LYRM4: variants seen among roughly 807,000 people sequenced by gnomAD.
The protein encoded by LYRM4 is LYR motif containing 4, also known as LYR motif-containing protein 4.
Under a neutral mutation model 11.7 loss-of-function variants are expected in LYRM4, and 9 were observed. The observed-to-expected ratio is 0.77, with a 90% CI of 0.46 to 1.34. LYRM4 has a LOEUF of 1.34. Among genes scored for constraint, LYRM4 ranks in the 40% most tolerant of loss-of-function variants. LYRM4 has a pLI of 0.00. For missense variants in LYRM4, 133 were observed against 112.5 expected (o/e 1.18, Z -0.82); for synonymous variants, 42 against 40.4 (o/e 1.04, Z -0.15).
At chr6:5,260,604 G>GGC in intron 1 of LYRM4, 44 bp downstream of exon 1, 4 of 1,196,176 alleles carry the variant, frequency 3.3e-6, no homozygotes, top group Non-Finnish European at 4.7e-6. Flanking sequence ...CCGGTCCCCG[G>GGC]CCCCTGGCCC....
chr6:5,049,548 T>G, the LYRM4 span, among the ~76,000 whole-genome samples: 1 of 152,218 alleles, frequency 6.6e-6, no homozygotes, highest in Non-Finnish European at 1.5e-5. Flanking sequence ...AGGTAAGTTA[T>G]TCATTGTTTT....
the LYRM4 span, among the ~76,000 whole-genome samples, chr6:5,079,917 A>G: frequency 4.4e-3 from 675 of 152,338 alleles, 2 homozygotes; most frequent in Non-Finnish European, 7.3e-3. Context: ...CCAGGGCACA[A>G]CTATTTTGGA....
At chr6:5,086,570 G>C in the LYRM4 span, 2 of 1,496,260 alleles carry the variant, frequency 1.3e-6, no homozygotes, top group Non-Finnish European at 1.8e-6. Context: ...TGAGCCTGGA[G>C]AGTTTCGAAG....
At chr6:5,201,906 G>T (rs1275546914) in intron 2 of LYRM4, among the ~76,000 whole-genome samples, 1 of 152,220 alleles carries the variant, frequency 6.6e-6, no homozygotes, top group Admixed American at 6.5e-5. Flanking sequence ...ACTGGCTGCG[G>T]AGTCTTAAGC....
At chr6:5,230,847 T>G (rs1298087962) in intron 1 of LYRM4, among the ~76,000 whole-genome samples, 1 of 152,228 alleles carries the variant, frequency 6.6e-6, no homozygotes, top group East Asian at 1.9e-4. Context: ...ATCAGTCATC[T>G]ACCTTCTTCT....
Position 5,108,452 on chromosome 6 carries a change from A to C in LYRM4, c.*971T>G. ...TACAAACAATATCTTTATTACCTGT[A>C]ATATACTTAAAGAGCAGGGGTCCCC... is the stretch of plus-strand genomic sequence containing the variant. On this transcript the variant is annotated 3_prime_UTR_variant, in exon 3 of 3. Transcript: ENST00000330636. The C allele has an allele frequency of 1.0e-6, 1 of 976,802 alleles. No individual in the cohort carries two copies. The highest frequency in any genetic ancestry group is 1.2e-6 in the Non-Finnish European group (1 of 821,860). 60.5% of individuals were successfully genotyped at this position (976,802 alleles called of 1,614,324 possible). A position where few individuals can be genotyped will look rare whatever the true frequency, so the allele number is the denominator to read the frequency against.
At chr6:5,190,407 T>C (rs761252707) in intron 2 of LYRM4, among the ~76,000 whole-genome samples, 1 of 152,210 alleles carries the variant, frequency 6.6e-6, no homozygotes, top group African/African-American at 2.4e-5. Flanking sequence ...TGGTATTCTG[T>C]AGTAACACCG....
At chr6:5,202,922 A>C (rs1761471936) in intron 2 of LYRM4, among the ~76,000 whole-genome samples, 1 of 152,216 alleles carries the variant, frequency 6.6e-6, no homozygotes, top group South Asian at 2.1e-4. Context: ...TCTAACCATT[A>C]TCAGTGTGTA....
chr6:5,047,859 T>G, the LYRM4 span, among the ~76,000 whole-genome samples: 1 of 152,218 alleles, frequency 6.6e-6, no homozygotes, highest in Non-Finnish European at 1.5e-5. Context: ...GAAAGAGTTC[T>G]GGGTAGACAG....
the LYRM4 span, among the ~76,000 whole-genome samples, chr6:5,072,583 T>G: frequency 1.1e-4 from 16 of 151,810 alleles, no homozygotes; most frequent in African/African-American, 1.9e-4. Context: ...AAAGTTTTTT[T>G]TTTTTTTTTT....
At chr6:5,147,213 T>C (rs928887930) in intron 2 of LYRM4, among the ~76,000 whole-genome samples, 1 of 152,220 alleles carries the variant, frequency 6.6e-6, no homozygotes, top group Non-Finnish European at 1.5e-5. Flanking sequence ...AATTTAAACC[T>C]GTATTTATGT....
chr6:5,221,866 A>G lies in LYRM4; in HGVS notation c.87-5128T>C, dbSNP rs575280927. On this transcript the variant is annotated intron_variant, in intron 1 of 2. Transcript: ENST00000330636. ...TATGCAACCAATCACAAATCTTCCA[A>G]TCGTAACTTTCCACATCCCTTCTGA... is the stretch of plus-strand genomic sequence containing the variant. 3.3e-5 allele frequency among the ~76,000 whole-genome samples: 5 copies of G among 152,248 alleles called. No homozygotes were observed. The East Asian group carries it at 7.7e-4, about 23-fold the overall frequency.
chr6:5,204,574 C>T (rs545993544), intron 2 of LYRM4, among the ~76,000 whole-genome samples: 45 of 152,150 alleles, frequency 3.0e-4, no homozygotes, highest in African/African-American at 9.4e-4. Flanking sequence ...ACTCACTGAG[C>T]GCTAGTCAGA....
chr6:5,227,318 A>C (rs1166943631), intron 1 of LYRM4, among the ~76,000 whole-genome samples: 1 of 152,194 alleles, frequency 6.6e-6, no homozygotes, highest in Non-Finnish European at 1.5e-5. Context: ...AAATCATACC[A>C]ATATTTAAGA....
chr6:5,115,793 G>A (rs747677386), intron 2 of LYRM4, among the ~76,000 whole-genome samples: 1 of 152,084 alleles, frequency 6.6e-6, no homozygotes, highest in Non-Finnish European at 1.5e-5. Flanking sequence ...TATGGCCCTT[G>A]GGGGGAAAAG....
At chr6:5,207,337 C>T (rs528238722) in intron 2 of LYRM4, among the ~76,000 whole-genome samples, 1 of 148,666 alleles carries the variant, frequency 6.7e-6, no homozygotes, top group South Asian at 2.1e-4. Flanking sequence ...CCCTCATATA[C>T]ACAGCAGGCA....
At chr6:5,081,454 T>C in the LYRM4 span, among the ~76,000 whole-genome samples, 1 of 152,176 alleles carries the variant, frequency 6.6e-6, no homozygotes, top group African/African-American at 2.4e-5. Flanking sequence ...AAGTCCTTCC[T>C]TGGCTTCTGA....
chr6:5,232,793 C>G (rs568571055), intron 1 of LYRM4, among the ~76,000 whole-genome samples: 1 of 152,148 alleles, frequency 6.6e-6, no homozygotes, highest in Non-Finnish European at 1.5e-5. Context: ...GTTTTCTATA[C>G]GCATAAATGC....
chr6:5,086,795 T>A, the LYRM4 span: 1 of 558,058 alleles, frequency 1.8e-6, no homozygotes, highest in East Asian at 3.1e-5. Context: ...AGTCTTCTCG[T>A]CCGTTTGACC....
Sources: gnomAD v4.1 joint callset for allele counts (sites outside exome capture counted in the v4.1 genomes callset) on GRCh38, gnomAD v4.1.1 for gene constraint, MANE v1.5 for transcripts, NCBI Gene and HGNC (gene_info 2026-07-23, HGNC 2026-07-21) for gene names.